Variants in NIPAL2 observed in about 807,000 individuals in gnomAD.
NIPAL2 encodes NIPA-like protein 2.
NIPAL2 carries 43 observed loss-of-function variants against 48.9 expected under a neutral mutation model. That is an observed-to-expected ratio of 0.88 (90% CI 0.69 to 1.13). The LOEUF is 1.13. Among genes scored for constraint, NIPAL2 ranks in the 50% most tolerant of loss-of-function variants. NIPAL2 has a pLI of 0.00. For missense variants in NIPAL2, 446 were observed against 461.4 expected, an observed-to-expected ratio of 0.97 and a Z score of 0.31; for synonymous variants, 167 against 174.6, an observed-to-expected ratio of 0.96 and a Z score of 0.34.
At chr8:98,197,005 T>C (rs1810580520) in intron 8 of NIPAL2, among the ~76,000 whole-genome samples, 1 of 152,218 alleles carries the variant, frequency 6.6e-6, no homozygotes, top group Non-Finnish European at 1.5e-5. Flanking sequence ...TTTAATGTTT[T>C]CATGTTATTT....
chr8:98,265,903 C>A (rs1185005875), intron 1 of NIPAL2, among the ~76,000 whole-genome samples: 2 of 151,582 alleles, frequency 1.3e-5, no homozygotes, highest in Non-Finnish European at 1.5e-5. Flanking sequence ...CAATGATAGA[C>A]TGGATTAAGA....
intron 5 of NIPAL2, among the ~76,000 whole-genome samples, chr8:98,219,799 C>T (rs73698753): frequency 0.038 from 5,827 of 152,164 alleles, 392 homozygotes; most frequent in African/African-American, 0.13. Flanking sequence ...CAAATCTGAC[C>T]GGTGAGCCCC....
At chr8:98,267,875 A>C (rs1814870177) in intron 1 of NIPAL2, among the ~76,000 whole-genome samples, 1 of 152,166 alleles carries the variant, frequency 6.6e-6, no homozygotes, top group African/African-American at 2.4e-5. Context: ...ATGAGGCAAA[A>C]ATTTAGAGAT....
chr8:98,269,314 G>T (rs1468783565), intron 1 of NIPAL2, among the ~76,000 whole-genome samples: 3 of 152,110 alleles, frequency 2.0e-5, no homozygotes, highest in Non-Finnish European at 4.4e-5. Flanking sequence ...ACTATTTATG[G>T]CAGCTATAGT....
chr8:98,280,761 T>TATATATATATATATAGAGAGAG lies in NIPAL2; in HGVS notation c.135+13241_135+13242insCTCTCTCTATATATATATATAT. ...CTATATATATATATATATATATATA[T>TATATATATATATATAGAGAGAG]AGAGAGAGAGAGAGAGAGAGAGAGA... is the stretch of plus-strand genomic sequence containing the variant. On this transcript the variant is annotated intron_variant, in intron 1 of 10. Transcript: ENST00000430223. Among the ~76,000 whole-genome samples the TATATATATATATATAGAGAGAG allele has an allele frequency of 2.2e-3, 66 of 30,004 alleles. 1 individual carries two copies. Among genetic ancestry groups the TATATATATATATATAGAGAGAG allele is most frequent in the Non-Finnish European group, 3.0e-3 (44 of 14,702 alleles). 19.7% of individuals were successfully genotyped at this position (30,004 alleles called of 152,430 possible).
intron 4 of NIPAL2, among the ~76,000 whole-genome samples, chr8:98,228,501 T>C (rs1416923208): frequency 6.6e-6 from 1 of 152,172 alleles, no homozygotes; most frequent in Non-Finnish European, 1.5e-5. Flanking sequence ...AGGCAAGTTA[T>C]TTACTCCAGA....
chr8:98,228,223 G>A (rs901578890), intron 4 of NIPAL2, among the ~76,000 whole-genome samples: 8 of 152,164 alleles, frequency 5.3e-5, no homozygotes, highest in South Asian at 2.1e-4. Flanking sequence ...TGGTTCTTAC[G>A]AAGGTGCTTT....
intron 4 of NIPAL2, among the ~76,000 whole-genome samples, chr8:98,226,722 C>T (rs1354275857): frequency 6.6e-6 from 1 of 152,194 alleles, no homozygotes; most frequent in Admixed American, 6.5e-5. Context: ...CTGAAGCCAG[C>T]ACAGCACTGG....
intron 1 of NIPAL2, among the ~76,000 whole-genome samples, chr8:98,274,485 G>C (rs1382687721): frequency 6.6e-6 from 1 of 151,868 alleles, no homozygotes; most frequent in Non-Finnish European, 1.5e-5. Context: ...TATACTGTTA[G>C]GTATGTACAA....
In NIPAL2 at chr8:98,190,166, CA is replaced by C. The variant is rs1309815736; in HGVS notation, c.*2811del. The C allele has an allele frequency of 3.3e-5, 5 of 152,202 alleles. No homozygotes were observed. Among genetic ancestry groups the C allele is most frequent in the African/African-American group, 1.2e-4 (5 of 41,454 alleles). The allele number at this position is 152,202 out of a possible 1,614,324, so 9.4% of individuals were successfully genotyped here. ...ATATCAAGCCATGTTTCCACACTCC[CA>C]AAGTATCTCATTTGTCATGAGCCAT... On this transcript the variant is annotated 3_prime_UTR_variant, in exon 11 of 11. Coordinates refer to ENST00000430223, the MANE Select transcript of NIPAL2 (RefSeq NM_001321635.2).
At chr8:98,230,718 G>A (rs1212391562) in intron 4 of NIPAL2, among the ~76,000 whole-genome samples, 2 of 152,126 alleles carry the variant, frequency 1.3e-5, no homozygotes, top group Admixed American at 6.6e-5. Flanking sequence ...CCAAAAATGT[G>A]GTTGGAGGAA....
At chr8:98,211,733 A>AAGT (rs1271888062) in intron 6 of NIPAL2, among the ~76,000 whole-genome samples, 1,752 of 109,096 alleles carry the variant, frequency 0.016, 28 homozygotes, top group African/African-American at 0.047. Context: ...AGAGAGAGAA[A>AAGT]GTGTGTGTGT....
At chr8:98,224,980 C>A (rs1460835816) in intron 4 of NIPAL2, among the ~76,000 whole-genome samples, 1 of 152,058 alleles carries the variant, frequency 6.6e-6, no homozygotes, top group Non-Finnish European at 1.5e-5. Context: ...TGGTCTCGAA[C>A]TCTTGACATC....
chr8:98,222,564 A>C lies in NIPAL2; in HGVS notation c.473T>G (p.Val158Gly). ...CTGAGTTATATTTGGAGCAAAGTTC[A>C]CCAGTAAATATGTTCCTGCAAATGC... Reference protein sequence around the residue: ...TLAFAGTYLLVNFAPNITQAI... With the variant: ...TLAFAGTYLLGNFAPNITQAI... The change falls in exon 5 of 11, where the codon GTG becomes GGG. Residue 158 changes from valine (V) to glycine (G), a missense_variant. Coordinates refer to ENST00000430223, the MANE Select transcript of NIPAL2 (RefSeq NM_001321635.2). 1 of 1,614,096 alleles carries C rather than the reference A, an allele frequency of 6.2e-7. No individual in the cohort carries two copies.
chr8:98,269,473 G>A (rs1814993590), intron 1 of NIPAL2, among the ~76,000 whole-genome samples: 1 of 152,194 alleles, frequency 6.6e-6, no homozygotes, highest in African/African-American at 2.4e-5. Context: ...GTGACCAGAT[G>A]CATTGTCAAT....
chr8:98,202,889 G>A (rs1159451279), intron 8 of NIPAL2, among the ~76,000 whole-genome samples: 1 of 152,176 alleles, frequency 6.6e-6, no homozygotes, highest in African/African-American at 2.4e-5. Context: ...TCCAGAGAAT[G>A]AGAGTGATCC....
chr8:98,235,732 G>A (rs1037578730), intron 4 of NIPAL2, among the ~76,000 whole-genome samples: 1 of 151,410 alleles, frequency 6.6e-6, no homozygotes, highest in Non-Finnish European at 1.5e-5. Flanking sequence ...AAAAAAATAT[G>A]ATCTCCCTGG....
intron 1 of NIPAL2, among the ~76,000 whole-genome samples, chr8:98,272,077 T>C (rs901240938): frequency 6.6e-6 from 1 of 152,190 alleles, no homozygotes; most frequent in African/African-American, 2.4e-5. Context: ...TTTTATGGTG[T>C]GCTGCTGGAT....
At chr8:98,197,091 T>C (rs1424151381) in intron 8 of NIPAL2, among the ~76,000 whole-genome samples, 1 of 152,146 alleles carries the variant, frequency 6.6e-6, no homozygotes, top group African/African-American at 2.4e-5. Flanking sequence ...CTTTTTTTTT[T>C]TTCAATTTTT....
Sources: gnomAD v4.1 joint callset for allele counts (sites outside exome capture counted in the v4.1 genomes callset) on GRCh38, gnomAD v4.1.1 for gene constraint, MANE v1.5 for transcripts, NCBI Gene and HGNC (gene_info 2026-07-23, HGNC 2026-07-21) for gene names.